LUM: variants seen among roughly 807,000 people sequenced by gnomAD.
LUM encodes KSPG lumican.
In LUM, 13 loss-of-function variants were observed where a neutral mutation model predicts 20.5. The observed-to-expected ratio is 0.63, with a 90% CI of 0.41 to 1.01. The LOEUF (loss-of-function observed/expected upper bound fraction) is 1.01. Among genes scored for constraint, LUM ranks in the 50% least tolerant of loss-of-function variants. The pLI, the probability that LUM is intolerant of heterozygous loss-of-function variation, is 0.00. For missense variants in LUM, 321 were observed against 391.1 expected, an observed-to-expected ratio of 0.82 and a Z score of 1.51; for synonymous variants, 173 against 151.5, an observed-to-expected ratio of 1.14 and a Z score of -1.04.
intron 1 of LUM, among the ~76,000 whole-genome samples, chr12:91,110,088 A>C (rs1179600846): frequency 6.6e-6 from 1 of 152,200 alleles, no homozygotes. Context: ...TAGGTGCAGC[A>C]ATTTAGATAT....
At chr12:91,109,041 A>T (rs994789542) in intron 1 of LUM, 41 bp from the exon 2 acceptor site, 3 of 1,335,918 alleles carry the variant, frequency 2.2e-6, no homozygotes, top group Non-Finnish European at 3.1e-6. Flanking sequence ...AAAAATATAT[A>T]CTTTCAAGAA....
chr12:91,111,037 T>C (rs1166136817), intron 1 of LUM, among the ~76,000 whole-genome samples: 1 of 152,190 alleles, frequency 6.6e-6, no homozygotes, highest in Non-Finnish European at 1.5e-5. Context: ...CTGATTAAAA[T>C]GACTTTTCTT....
Position 91,108,796 on chromosome 12 carries a change from G to A in LUM, c.184C>T (p.Pro62Ser). 1 of 1,613,984 alleles carries A rather than the reference G, an allele frequency of 6.2e-7. No homozygotes were observed. The change falls in exon 2 of 3, where the codon CCA (proline) becomes TCA (serine). Residue 62 changes from proline to serine, a missense_variant. By Grantham distance (74) the Pro-to-Ser change is moderately conservative. Transcript: ENST00000266718. This position sits in a 1 kb window ranked among gnomAD's most constrained non-coding sequence, Gnocchi z 4.2. ...TACTTGATTCCAGGAGGCACCATTG[G>A]TACACTTTTCAATTTCAGCTCATCA... ...YCDELKLKSV[P>S]MVPPGIKYLY...
intron 1 of LUM, among the ~76,000 whole-genome samples, chr12:91,111,016 T>C (rs1395323419): frequency 6.6e-6 from 1 of 152,200 alleles, no homozygotes; most frequent in Non-Finnish European, 1.5e-5. Context: ...TATTAAAAGA[T>C]ATTTTGAATG....
Position 91,104,234 on chromosome 12 carries a change from G to T in LUM, c.948C>A (p.Ile316=), listed in dbSNP as rs1357236703. Reference sequence around the variant, plus strand: ...TATCCGGTGGAAGACTGGTTTCTGAGATGCGATTGCCATCCAAACGCAAAT... The same window carrying T: ...TATCCGGTGGAAGACTGGTTTCTGATATGCGATTGCCATCCAAACGCAAAT... ...IKHLRLDGNR[I]SETSLPPDMY... The change falls in exon 3 of 3, where the codon ATC becomes ATA. Residue 316 remains isoleucine, a synonymous_variant. Coordinates refer to ENST00000266718, the MANE Select transcript of LUM (RefSeq NM_002345.4). 4 of 1,612,646 alleles carry T rather than the reference G, an allele frequency of 2.5e-6. No individual in the cohort carries two copies. The highest frequency in any genetic ancestry group is 3.4e-6 in the Non-Finnish European group (4 of 1,178,906).
rs1019362059 is a variant in LUM, at chr12:91,102,671, G to A, written c.*1494C>T. ...TTTATCGAGAAAAAGTAGATTTCAAGTTTAAACCAACAAATAAACTGAGGC... is the reference window on the plus strand; with the variant it reads ...TTTATCGAGAAAAAGTAGATTTCAAATTTAAACCAACAAATAAACTGAGGC... On this transcript the variant is annotated 3_prime_UTR_variant, in exon 3 of 3. Coordinates refer to ENST00000266718, the MANE Select transcript of LUM (RefSeq NM_002345.4). The A allele has an allele frequency of 6.6e-6, 1 of 152,028 alleles. No individual in the cohort carries two copies. The highest frequency in any genetic ancestry group is 6.6e-5 in the Admixed American group (1 of 15,244). The allele number at this position is 152,028 out of a possible 1,614,324, so 9.4% of individuals were successfully genotyped here.
chr12:91,107,574 C>G (rs117422278), intron 2 of LUM, among the ~76,000 whole-genome samples: 26 of 152,180 alleles, frequency 1.7e-4, no homozygotes, highest in Non-Finnish European at 3.2e-4. Flanking sequence ...TGAGTTGGCC[C>G]GGAATTTTTA....
At chr12:91,106,603 A>G (rs1880036416) in intron 2 of LUM, among the ~76,000 whole-genome samples, 2 of 150,308 alleles carry the variant, frequency 1.3e-5, no homozygotes, top group Non-Finnish European at 1.5e-5. Context: ...AAAAATAAAG[A>G]GAGGAGAAAG....
In LUM at chr12:91,104,121, C is replaced by T; in HGVS notation, c.*44G>A. On this transcript the variant is annotated 3_prime_UTR_variant, in exon 3 of 3. Transcript: ENST00000266718. ...AATATGGATACTATGAAAACTGACA[C>T]ACAGAAAAACATAACCATAAAATAT... is the stretch of plus-strand genomic sequence containing the variant. 2.6e-6 allele frequency: 4 copies of T among 1,517,766 alleles called. No individual in the cohort carries two copies. The highest frequency in any genetic ancestry group is 2.7e-6 in the Non-Finnish European group (3 of 1,097,302). The allele number at this position is 1,517,766 out of a possible 1,614,324, so 94.0% of individuals were successfully genotyped here. A position where few individuals can be genotyped will look rare whatever the true frequency, so the allele number is the denominator to read the frequency against.
chr12:91,110,369 G>A (rs1880177230), intron 1 of LUM, among the ~76,000 whole-genome samples: 1 of 152,080 alleles, frequency 6.6e-6, no homozygotes, highest in Admixed American at 6.6e-5. Flanking sequence ...CAGATCAGAT[G>A]GAACGTTATA....
At chr12:91,105,274 C>T (rs1306335746) in intron 2 of LUM, among the ~76,000 whole-genome samples, 4 of 152,126 alleles carry the variant, frequency 2.6e-5, no homozygotes, top group Admixed American at 6.6e-5. Context: ...AACACTGGAA[C>T]ACTTATCTGA....
intron 2 of LUM, among the ~76,000 whole-genome samples, chr12:91,107,415 G>A: frequency 6.6e-6 from 1 of 151,968 alleles, no homozygotes; most frequent in Middle Eastern, 3.2e-3. Context: ...GGGCTTCTTT[G>A]TGGCTATGGA....
At chr12:91,105,114 C>A (rs1880002070) in intron 2 of LUM, among the ~76,000 whole-genome samples, 1 of 152,232 alleles carries the variant, frequency 6.6e-6, no homozygotes, top group Admixed American at 6.5e-5. Context: ...TTCAGTGGAA[C>A]CCCAAACACA....
intron 1 of LUM, among the ~76,000 whole-genome samples, chr12:91,109,737 G>A (rs1266939672): frequency 6.6e-6 from 1 of 152,204 alleles, no homozygotes; most frequent in African/African-American, 2.4e-5. Context: ...CACACATTCT[G>A]AAGGTTTCTC....
At chr12:91,110,859 C>T (rs192439599) in intron 1 of LUM, among the ~76,000 whole-genome samples, 23 of 152,174 alleles carry the variant, frequency 1.5e-4, no homozygotes, top group Non-Finnish European at 2.5e-4. Flanking sequence ...TTAAAAAACT[C>T]GTTCCTTAAG....
rs915481950 is a variant in LUM, at chr12:91,108,983, T to C, written c.-4A>G. ...GAGTAAATGCACTTAGACTCATTTT[T>C]GGCAAATGGTTTGAATCCTAAATAA... On this transcript the variant is annotated 5_prime_UTR_variant, in exon 2 of 3. Coordinates refer to ENST00000266718, the MANE Select transcript of LUM (RefSeq NM_002345.4). This position sits in a 1 kb window ranked among gnomAD's most constrained non-coding sequence, Gnocchi z 4.2. 1.2e-6 allele frequency: 2 copies of C among 1,611,390 alleles called. No homozygotes were observed. The highest frequency in any genetic ancestry group is 1.7e-6 in the Non-Finnish European group (2 of 1,178,442).
intron 2 of LUM, among the ~76,000 whole-genome samples, chr12:91,107,214 AGAGAGAAAGAAGAAAGAAAGAAAG>A (rs1465571877): frequency 6.3e-5 from 9 of 143,572 alleles, no homozygotes; most frequent in African/African-American, 2.3e-4. Flanking sequence ...AAAGAAAGAA[AGAGAGAAAGAAGAAAGAAAGAAAG>A]GAAAGAAAGA....
rs1458600812 is a variant in LUM, at chr12:91,107,279, GAA to G, written c.862+837_862+838del. On this transcript the variant is annotated intron_variant, in intron 2 of 2. Transcript: ENST00000266718. ...AGAAAGAAAGAAAGAAAGAAAGAAA[GAA>G]AGAAAGAGAAAGAAAGAAAGAAAGA... 8.0e-3 allele frequency among the ~76,000 whole-genome samples: 778 copies of G among 97,182 alleles called. 1 individual carries two copies. The highest frequency in any genetic ancestry group is 0.024 in the Middle Eastern group (5 of 206). 63.8% of individuals were successfully genotyped at this position (97,182 alleles called of 152,430 possible).
In LUM at chr12:91,104,070, T is replaced by A; in HGVS notation, c.*95A>T. ...AAAACATTTCCCTCAGATTTTAAAA[T>A]TCATGGAAGTAATAAACAGTAATAA... On this transcript the variant is annotated 3_prime_UTR_variant, in exon 3 of 3. Coordinates refer to ENST00000266718, the MANE Select transcript of LUM (RefSeq NM_002345.4). 3 of 1,028,756 alleles carry A rather than the reference T, an allele frequency of 2.9e-6. No homozygotes were observed. The highest frequency in any genetic ancestry group is 2.9e-5 in the South Asian group (2 of 67,812). 63.7% of individuals were successfully genotyped at this position (1,028,756 alleles called of 1,614,324 possible).
Sources: allele counts gnomAD v4.1 joint callset (sites outside exome capture counted in the v4.1 genomes callset), GRCh38; gene constraint gnomAD v4.1.1; non-coding constraint Gnocchi (gnomAD v3.1); transcripts MANE v1.5; gene names NCBI Gene and HGNC (gene_info 2026-07-23, HGNC 2026-07-21).